The following SEC14L5 variants were observed in gnomAD, a reference collection of about 807,000 sequenced individuals.
The protein encoded by SEC14L5 is SEC14 like lipid binding 5, also known as SEC14-like protein 5.
SEC14L5 carries 96 observed loss-of-function variants against 84.6 expected under a neutral mutation model. That is an observed-to-expected ratio of 1.13 (90% CI 0.96 to 1.34). The LOEUF (loss-of-function observed/expected upper bound fraction) is 1.34, where lower values mean the gene tolerates loss of function less well. SEC14L5 is among the 40% of genes most tolerant of loss of function. The pLI is 0.00. For synonymous variants in SEC14L5, 546 were observed against 383.4 expected (o/e 1.42, Z -4.95); for missense variants, 1,224 against 942.5 (o/e 1.30, Z -3.91).
chr16:5,009,529 G>T (rs1323427046), intron 14 of SEC14L5, among the ~76,000 whole-genome samples: 1 of 151,980 alleles, frequency 6.6e-6, no homozygotes, highest in African/African-American at 2.4e-5. Flanking sequence ...TTGCTATGTT[G>T]CCCAGGATGA....
At chr16:5,012,035 G>A (rs540438667) in intron 15 of SEC14L5, among the ~76,000 whole-genome samples, 151 of 152,332 alleles carry the variant, frequency 9.9e-4, no homozygotes, top group African/African-American at 3.4e-3. Flanking sequence ...GTAAAATTAA[G>A]GCTCAAGGAA....
intron 2 of SEC14L5, among the ~76,000 whole-genome samples, chr16:4,975,096 C>G (rs917889818): frequency 3.9e-5 from 6 of 152,120 alleles, no homozygotes; most frequent in South Asian, 2.1e-4. Flanking sequence ...CATATCTTAG[C>G]TCTCACTTAT....
intron 2 of SEC14L5, among the ~76,000 whole-genome samples, chr16:4,983,678 A>C (rs1184873925): frequency 6.6e-6 from 1 of 151,816 alleles, no homozygotes; most frequent in East Asian, 1.9e-4. Context: ...GGAGTTCAAG[A>C]CCAACCTGAC....
intron 2 of SEC14L5, among the ~76,000 whole-genome samples, chr16:4,977,401 C>A (rs551677902): frequency 8.7e-6 from 1 of 114,764 alleles, no homozygotes; most frequent in Non-Finnish European, 1.6e-5. Context: ...GAGCTGAGAT[C>A]GTGCCATTGC....
chr16:4,982,958 T>G (rs952581548), intron 2 of SEC14L5, among the ~76,000 whole-genome samples: 9 of 152,174 alleles, frequency 5.9e-5, no homozygotes, highest in Admixed American at 5.9e-4. Flanking sequence ...AATAGATATA[T>G]TCATATATAA....
intron 1 of SEC14L5, among the ~76,000 whole-genome samples, 184 bp downstream of exon 1, chr16:4,958,629 T>C (rs1387166106): frequency 6.6e-6 from 1 of 152,130 alleles, no homozygotes; most frequent in East Asian, 1.9e-4. Context: ...TGTGTGTGCA[T>C]GTGCGCACGG....
chr16:5,002,423 G>T (rs1293801630), intron 10 of SEC14L5, among the ~76,000 whole-genome samples: 1 of 151,140 alleles, frequency 6.6e-6, no homozygotes, highest in Non-Finnish European at 1.5e-5. Flanking sequence ...CAGCCTCCCA[G>T]GTAGCTGGGA....
chr16:4,972,756 T>G (rs1257412058), intron 2 of SEC14L5, among the ~76,000 whole-genome samples: 2 of 152,214 alleles, frequency 1.3e-5, no homozygotes, highest in Admixed American at 6.5e-5. Context: ...ACGTGGGTGT[T>G]TTCCCCCTTT....
At chr16:4,989,472 G>T (rs60871257) in intron 4 of SEC14L5, among the ~76,000 whole-genome samples, 4 of 151,952 alleles carry the variant, frequency 2.6e-5, no homozygotes, top group South Asian at 2.1e-4. Flanking sequence ...TCAGATTCCC[G>T]TGTAGGTGGG....
chr16:4,976,888 C>T (rs544329098), intron 2 of SEC14L5, among the ~76,000 whole-genome samples: 1 of 152,176 alleles, frequency 6.6e-6, no homozygotes, highest in South Asian at 2.1e-4. Flanking sequence ...GGTGGTCAAG[C>T]CAACTGTAGG....
At chr16:4,994,472 G>C (rs1955587109) in intron 6 of SEC14L5, among the ~76,000 whole-genome samples, 1 of 151,992 alleles carries the variant, frequency 6.6e-6, no homozygotes, top group African/African-American at 2.4e-5. Context: ...GCCTCCCAAG[G>C]AGCTGGGACT....
rs1166095773 is a variant in SEC14L5, at chr16:5,008,587, T to A, written c.1739T>A (p.Leu580Gln). The stretch of plus-strand genomic sequence containing the variant: ...CAGCTGATCGACAAAGGCTGGGTCC[T>A]GGGCAGGGATTACAGCCGTGTGGAG... ...SGQLIDKGWV[L>Q]GRDYSRVEAP... The change falls in exon 14 of 16, where the codon CTG (leucine) becomes CAG (glutamine). Residue 580 changes from leucine (L) to glutamine (Q), a missense_variant. Physicochemically the swap from Leu to Gln is moderately radical, Grantham distance 113 (BLOSUM62 -2). Transcript: ENST00000251170. The A allele has an allele frequency of 6.2e-7, 1 of 1,606,658 alleles. No individual in the cohort carries two copies. The highest frequency in any genetic ancestry group is 1.1e-5 in the South Asian group (1 of 89,942).
At position 5,003,311 on chromosome 16, in the gene SEC14L5, C is replaced by T. The variant is rs919445192; in HGVS notation, c.1131-91C>T. The T allele has an allele frequency of 6.0e-5, 59 of 986,692 alleles. 1 individual carries two copies. Among genetic ancestry groups the T allele is most frequent in the South Asian group, 5.3e-4 (39 of 74,016 alleles). The allele number at this position is 986,692 out of a possible 1,614,324, so 61.1% of individuals were successfully genotyped here. A position where few individuals can be genotyped will look rare whatever the true frequency, so the allele number is the denominator to read the frequency against. ...CCCATCTGCTCCCAGCCCTATCTCT[C>T]GGAGCCTCCCTGTTCATCCCCTGTG... is the stretch of plus-strand genomic sequence containing the variant. On this transcript the variant is annotated intron_variant, in intron 10 of 15. Coordinates refer to ENST00000251170, the MANE Select transcript of SEC14L5 (RefSeq NM_014692.2).
rs368156769 is a variant in SEC14L5 at position 5,000,826 on chromosome 16, C to G, written c.1060-29C>G. 379 of 1,586,324 alleles carry G rather than the reference C, an allele frequency of 2.4e-4. 2 individuals carry two copies. The African/African-American group carries it at 3.8e-3, about 16-fold the overall frequency. On this transcript the variant is annotated intron_variant, in intron 9 of 15. Transcript: ENST00000251170. ...GTGTGGGGTAAAGCAGCGAGGCGGA[C>G]GTTGAGCAGCACTGTCTCTCCCTTC...
chr16:4,996,417 T>C lies in SEC14L5; in HGVS notation c.737T>C (p.Leu246Pro), dbSNP rs1955609834. ...CTCACGCCCATGCAGGAGAGCTGCC[T>C]GATCCAGCTTCGGCACTGGTTACAG... ...GHLTPMQESC[L>P]IQLRHWLQET... Residue 246 changes from leucine (L) to proline (P), a missense_variant, in exon 7 of 16, where the codon CTG (leucine) becomes CCG (proline). Coordinates refer to ENST00000251170, the MANE Select transcript of SEC14L5 (RefSeq NM_014692.2). 1.9e-6 allele frequency: 3 copies of C among 1,574,332 alleles called. No individual in the cohort carries two copies. Among genetic ancestry groups the C allele is most frequent in the Non-Finnish European group, 1.7e-6 (2 of 1,160,768 alleles).
chr16:5,007,035 G>A (rs1955739787), intron 12 of SEC14L5, among the ~76,000 whole-genome samples: 1 of 152,134 alleles, frequency 6.6e-6, no homozygotes, highest in Admixed American at 6.5e-5. Context: ...GTCCGGCACC[G>A]GGGTAAAGGG....
chr16:4,968,928 C>A (rs1207694396), intron 2 of SEC14L5, among the ~76,000 whole-genome samples: 1 of 152,194 alleles, frequency 6.6e-6, no homozygotes, highest in Non-Finnish European at 1.5e-5. Flanking sequence ...TTAGCCAATG[C>A]GTTATTAATA....
intron 3 of SEC14L5, 43 bp downstream of exon 3, chr16:4,987,749 G>A (rs992948747): frequency 2.1e-6 from 3 of 1,417,414 alleles, no homozygotes; most frequent in Non-Finnish European, 2.8e-6. Flanking sequence ...GGGACCTGTT[G>A]CGGAGGTGCG....
In SEC14L5 at chr16:5,011,273, G is replaced by T; in HGVS notation, c.1979G>T (p.Arg660Met). 6.2e-7 allele frequency: 1 copy of T among 1,610,676 alleles called. No homozygotes were observed. Among genetic ancestry groups the T allele is most frequent in the South Asian group, 1.1e-5 (1 of 91,040 alleles). The change falls in exon 15 of 16, where the codon AGG (arginine) becomes ATG (methionine). Residue 660 changes from arginine (R) to methionine (M), a missense_variant and splice_region_variant. Coordinates refer to ENST00000251170, the MANE Select transcript of SEC14L5 (RefSeq NM_014692.2). ...GAGGTGCTCGCCTCTGAGGACTTCA[G>T]GTAGGAGGGCTCCGGAGCGGGGTCC... ...YCEVLASEDF[R>M]GSMSSLESCT... is the part of the protein sequence containing the mutation.
Sources: allele counts gnomAD v4.1 joint callset (sites outside exome capture counted in the v4.1 genomes callset), GRCh38; gene constraint gnomAD v4.1.1; transcripts MANE v1.5; gene names NCBI Gene and HGNC (gene_info 2026-07-23, HGNC 2026-07-21).